The following LEPR variants were observed in gnomAD, a reference collection of about 807,000 sequenced individuals.
LEPR encodes OB receptor.
LEPR carries 56 observed loss-of-function variants against 114.7 expected under a neutral mutation model. The ratio of observed to expected loss-of-function variants is 0.49; its 90% CI spans 0.39 to 0.61. The LOEUF is 0.61. LEPR is among the 20% of genes least tolerant of loss of function. The probability of loss-of-function intolerance (pLI) is 0.00; values close to 1 mark genes in which losing one functional copy is unlikely to be tolerated. For synonymous variants in LEPR, 443 were observed against 461.4 expected (o/e 0.96, Z 0.51); for missense variants, 1,202 against 1,352.9 (o/e 0.89, Z 1.75).
chr1:65,439,425 A>G (rs1040480262), intron 2 of LEPR, among the ~76,000 whole-genome samples: 2 of 152,232 alleles, frequency 1.3e-5, no homozygotes, highest in South Asian at 2.1e-4. Flanking sequence ...AAATAAAAAC[A>G]TTTTAAGCTG....
chr1:65,437,219 G>A (rs1212514202), intron 2 of LEPR, among the ~76,000 whole-genome samples: 4 of 152,118 alleles, frequency 2.6e-5, no homozygotes, highest in African/African-American at 7.2e-5. Flanking sequence ...AGATTCCATG[G>A]TGTGGAACTG....
intron 1 of LEPR, chr1:65,421,342 T>G (rs2101664130): frequency 6.5e-7 from 1 of 1,535,330 alleles, no homozygotes; most frequent in East Asian, 2.4e-5. Context: ...GAAACCAGTG[T>G]GTGTGTAGTA....
At chr1:65,456,912 G>A (rs1646884088) in intron 2 of LEPR, among the ~76,000 whole-genome samples, 1 of 151,852 alleles carries the variant, frequency 6.6e-6, no homozygotes, top group Non-Finnish European at 1.5e-5. Flanking sequence ...TCTGTCTTTT[G>A]TATTTTTAAT....
intron 2 of LEPR, among the ~76,000 whole-genome samples, chr1:65,539,465 C>G (rs1054812143): frequency 2.6e-5 from 4 of 152,146 alleles, no homozygotes; most frequent in African/African-American, 9.7e-5. Flanking sequence ...ATGTTAGGCA[C>G]TCAATCAAAG....
At chr1:65,429,039 A>G (rs1233448276) in intron 2 of LEPR, among the ~76,000 whole-genome samples, 1 of 152,170 alleles carries the variant, frequency 6.6e-6, no homozygotes, top group Non-Finnish European at 1.5e-5. Context: ...GGAGTACATC[A>G]TTCTAGGCCC....
chr1:65,540,840 A>AT (rs1180647606), intron 2 of LEPR, among the ~76,000 whole-genome samples: 16 of 150,510 alleles, frequency 1.1e-4, no homozygotes, highest in African/African-American at 2.2e-4. Context: ...TCAGTTTACC[A>AT]TTTTTTTTTG....
At chr1:65,579,741 T>G (rs11208675) in intron 5 of LEPR, among the ~76,000 whole-genome samples, 46,022 of 151,948 alleles carry the variant, frequency 0.3, 7,821 homozygotes, top group East Asian at 0.82. Flanking sequence ...ATGTGTAAGG[T>G]CTTAAATTCT....
At chr1:65,471,360 T>G (rs1250219495) in intron 2 of LEPR, among the ~76,000 whole-genome samples, 9 of 152,292 alleles carry the variant, frequency 5.9e-5, no homozygotes, top group Admixed American at 5.9e-4. Context: ...AGGCAAATCT[T>G]TAAGACAAAC....
intron 6 of LEPR, among the ~76,000 whole-genome samples, chr1:65,593,649 A>G (rs929653676): frequency 1.3e-5 from 2 of 152,064 alleles, no homozygotes; most frequent in African/African-American, 4.8e-5. Context: ...ACAATTTTCC[A>G]TACAACTCAA....
intron 19 of LEPR, chr1:65,634,878 G>GAAA: frequency 3.8e-6 from 3 of 791,542 alleles, no homozygotes; most frequent in Non-Finnish European, 4.6e-6. Context: ...ATTTCTTTCA[G>GAAA]AAAAAAAAAA....
chr1:65,578,870 G>T (rs35228056), intron 5 of LEPR, among the ~76,000 whole-genome samples: 4,938 of 152,196 alleles, frequency 0.032, 86 homozygotes, highest in Non-Finnish European at 0.05. Context: ...TGATTACCAG[G>T]CTGTAGTTAA....
chr1:65,499,983 G>A (rs989099599), intron 2 of LEPR, among the ~76,000 whole-genome samples: 1 of 152,108 alleles, frequency 6.6e-6, no homozygotes, highest in African/African-American at 2.4e-5. Context: ...AGGGGAGGGA[G>A]CTTGTGGGAA....
chr1:65,426,753 C>A (rs912113289), intron 2 of LEPR, among the ~76,000 whole-genome samples: 1 of 152,130 alleles, frequency 6.6e-6, no homozygotes, highest in Admixed American at 6.6e-5. Context: ...AATCCCAGCA[C>A]TTTGGGAGGC....
At chr1:65,559,905 T>C (rs1292553240) in intron 2 of LEPR, among the ~76,000 whole-genome samples, 1 of 141,396 alleles carries the variant, frequency 7.1e-6, no homozygotes, top group African/African-American at 2.6e-5. Context: ...GTTCCATTGA[T>C]CTATATCTCT....
chr1:65,617,120 G>A (rs1356610519), intron 15 of LEPR, among the ~76,000 whole-genome samples: 4 of 152,288 alleles, frequency 2.6e-5, no homozygotes, highest in Non-Finnish European at 4.4e-5. Context: ...GGGGTAGGTA[G>A]TGGGAATTGT....
At chr1:65,560,615 T>A (rs1332490168) in intron 2 of LEPR, among the ~76,000 whole-genome samples, 9 of 40,298 alleles carry the variant, frequency 2.2e-4, no homozygotes, top group African/African-American at 1.1e-3. Context: ...AGAGAGGGCA[T>A]CCCTGTCTTG....
In LEPR at chr1:65,527,383, G is replaced by A. The variant is rs140366937; in HGVS notation, c.-20-38163G>A. 4.6e-5 allele frequency among the ~76,000 whole-genome samples: 7 copies of A among 152,272 alleles called. No individual in the cohort carries two copies. The East Asian group carries it at 1.3e-3, about 29-fold the overall frequency. On this transcript the variant is annotated intron_variant, in intron 2 of 19. Coordinates refer to ENST00000349533, the MANE Select transcript of LEPR (RefSeq NM_002303.6). Reference sequence around the variant, plus strand: ...AACCAGAAATTAGGAATGGACACACGCACACACAAAAGTGTCTACAGTGAG... The same window carrying A: ...AACCAGAAATTAGGAATGGACACACACACACACAAAAGTGTCTACAGTGAG...
chr1:65,529,708 A>G (rs1650253758), intron 2 of LEPR, among the ~76,000 whole-genome samples: 1 of 152,136 alleles, frequency 6.6e-6, no homozygotes, highest in East Asian at 1.9e-4. Context: ...CAATGATACT[A>G]CCTTTGCTCA....
chr1:65,421,195 A>G (rs1475394571), intron 1 of LEPR: 14 of 886,140 alleles, frequency 1.6e-5, no homozygotes, highest in Non-Finnish European at 2.0e-5. Flanking sequence ...GATTTTTCCA[A>G]CTGGGCAGAG....
Sources: allele counts gnomAD v4.1 joint callset (sites outside exome capture counted in the v4.1 genomes callset), GRCh38; gene constraint gnomAD v4.1.1; transcripts MANE v1.5; gene names NCBI Gene and HGNC (gene_info 2026-07-23, HGNC 2026-07-21).